TMEM131: variants seen among roughly 807,000 people sequenced by gnomAD.
The protein encoded by TMEM131 is 2610524E03Rik.
TMEM131 carries 66 observed loss-of-function variants against 211.6 expected under a neutral mutation model. The ratio of observed to expected loss-of-function variants is 0.31; its 90% CI spans 0.26 to 0.38. TMEM131 has a LOEUF of 0.38. Ranked by LOEUF, TMEM131 falls within the 10% of genes least tolerant of loss-of-function variation. The pLI, the probability that TMEM131 is intolerant of heterozygous loss-of-function variation, is 1.00. For missense variants in TMEM131, 2,036 were observed against 2,299.3 expected (o/e 0.89, Z 2.34); for synonymous variants, 844 against 841.3 (o/e 1.00, Z -0.06).
At chr2:97,983,242 G>A (rs911005500) in intron 1 of TMEM131, among the ~76,000 whole-genome samples, 22 of 152,152 alleles carry the variant, frequency 1.4e-4, no homozygotes, top group Non-Finnish European at 1.9e-4. Flanking sequence ...GTCTCAGACA[G>A]TAACAGTAGA....
At chr2:97,793,622 T>A in intron 29 of TMEM131, 69 bp from the exon 30 acceptor site, 1 of 1,439,800 alleles carries the variant, frequency 6.9e-7, no homozygotes, top group Non-Finnish European at 9.4e-7. Context: ...AATTCGATGT[T>A]AAAGGCAGAG....
intron 2 of TMEM131, among the ~76,000 whole-genome samples, chr2:97,921,431 GATAGAAAAAC>G (rs1414779139): frequency 6.6e-6 from 1 of 152,152 alleles, no homozygotes; most frequent in African/African-American, 2.4e-5. Flanking sequence ...ACGACCTTGG[GATAGAAAAAC>G]ATTGAACAAG....
At chr2:97,795,208 ACACAG>A in intron 28 of TMEM131, 93 bp from the exon 29 acceptor site, 1 of 885,302 alleles carries the variant, frequency 1.1e-6, no homozygotes. Context: ...TTGAAATATA[ACACAG>A]AATTTGCGTT....
intron 15 of TMEM131, among the ~76,000 whole-genome samples, 185 bp from the exon 16 acceptor site, chr2:97,812,934 G>A (rs1174125676): frequency 6.6e-6 from 1 of 151,718 alleles, no homozygotes; most frequent in African/African-American, 2.4e-5. Flanking sequence ...GCTTGAACCC[G>A]CAAGCCAAGA....
At position 97,924,520 on chromosome 2, in the gene TMEM131, C is replaced by A. The variant is rs187413181; in HGVS notation, c.249+2906G>T. ...GCATGCATTTTTTACCCCAGCTCAGCCACCATCTCCCTGCCTGTGGTACAC... is the reference window on the plus strand; with the variant it reads ...GCATGCATTTTTTACCCCAGCTCAGACACCATCTCCCTGCCTGTGGTACAC... On this transcript the variant is annotated intron_variant, in intron 2 of 40. Coordinates refer to ENST00000186436, the MANE Select transcript of TMEM131 (RefSeq NM_015348.2). Among the ~76,000 whole-genome samples the A allele has an allele frequency of 2.3e-3, 355 of 152,296 alleles. 9 individuals are homozygous for A. Among genetic ancestry groups the A allele is most frequent in the Admixed American group, 0.023 (351 of 15,306 alleles).
chr2:97,954,268 G>C (rs189211687), intron 1 of TMEM131, among the ~76,000 whole-genome samples: 3 of 152,152 alleles, frequency 2.0e-5, no homozygotes, highest in Admixed American at 6.5e-5. Context: ...AAAGGCTCTA[G>C]CAAGACTGAC....
At chr2:97,966,541 T>A (rs1206656756) in intron 1 of TMEM131, among the ~76,000 whole-genome samples, 1 of 152,150 alleles carries the variant, frequency 6.6e-6, no homozygotes, top group Non-Finnish European at 1.5e-5. Context: ...TCTGACACAG[T>A]GGCCCTCAAT....
At position 97,936,344 on chromosome 2, in the gene TMEM131, C is replaced by A. The variant is rs997779452; in HGVS notation, c.188-8857G>T. On this transcript the variant is annotated intron_variant, in intron 1 of 40. Transcript: ENST00000186436. ...GTGTACGCATCGGGCTCTGGCTCTG[C>A]CTGTGCTCAGAAGAAACCTGAGACA... Among the ~76,000 whole-genome samples the A allele has an allele frequency of 4.6e-5, 7 of 152,206 alleles. No homozygotes were observed. The South Asian group carries it at 1.4e-3, about 32-fold the overall frequency.
Position 97,792,367 on chromosome 2 carries a change from G to A in TMEM131, c.4144+19C>T, listed in dbSNP as rs372979286. 32 of 1,532,254 alleles carry A rather than the reference G, an allele frequency of 2.1e-5. No individual in the cohort carries two copies. Among genetic ancestry groups the A allele is most frequent in the East Asian group, 6.8e-5 (3 of 44,012 alleles). The allele number at this position is 1,532,254 out of a possible 1,614,324, so 94.9% of individuals were successfully genotyped here. On this transcript the variant is annotated intron_variant, in intron 31 of 40. Transcript: ENST00000186436. ...TTTCCCTCACACATCACGGATCTCC[G>A]GCAGTGGGAGATGATTACCTTTGCT...
At chr2:97,923,642 A>AAAAAG (rs1573563053) in intron 2 of TMEM131, among the ~76,000 whole-genome samples, 1 of 151,346 alleles carries the variant, frequency 6.6e-6, no homozygotes. Context: ...AAAAAAAAAA[A>AAAAAG]AAAAAAAAAA....
intron 29 of TMEM131, among the ~76,000 whole-genome samples, chr2:97,793,943 G>A (rs1680626434): frequency 8.1e-6 from 1 of 123,386 alleles, no homozygotes; most frequent in African/African-American, 3.1e-5. Context: ...GCAGTGAGCC[G>A]AGATCGTGCC....
chr2:97,988,839 G>A (rs2104672600), intron 1 of TMEM131, among the ~76,000 whole-genome samples: 1 of 152,296 alleles, frequency 6.6e-6, no homozygotes, highest in South Asian at 2.1e-4. Flanking sequence ...CAACCACTAT[G>A]GAAATGTGGT....
intron 31 of TMEM131, among the ~76,000 whole-genome samples, chr2:97,779,454 G>T (rs181837256): frequency 6.6e-6 from 1 of 152,210 alleles, no homozygotes; most frequent in South Asian, 2.1e-4. Context: ...CAGGGCAAGC[G>T]TGTTCCTAAG....
At chr2:97,987,952 G>A (rs999116454) in intron 1 of TMEM131, among the ~76,000 whole-genome samples, 8 of 152,136 alleles carry the variant, frequency 5.3e-5, no homozygotes, top group African/African-American at 7.2e-5. Context: ...AAGTAGAAAA[G>A]TGCATCCTAA....
intron 2 of TMEM131, among the ~76,000 whole-genome samples, chr2:97,910,850 T>C (rs888815621): frequency 1.1e-4 from 16 of 152,210 alleles, no homozygotes; most frequent in African/African-American, 3.6e-4. Flanking sequence ...TATAGCCTTG[T>C]AGTATAGTTT....
chr2:97,859,671 G>T (rs1673986445), intron 4 of TMEM131, among the ~76,000 whole-genome samples: 1 of 152,182 alleles, frequency 6.6e-6, no homozygotes, highest in Admixed American at 6.5e-5. Flanking sequence ...TTTCATCCCT[G>T]AGGCTCAGAA....
intron 2 of TMEM131, among the ~76,000 whole-genome samples, chr2:97,920,687 G>A (rs538502918): frequency 9.2e-5 from 14 of 152,158 alleles, no homozygotes; most frequent in South Asian, 2.1e-4. Context: ...AATAAAGGCC[G>A]GGCATCAGCA....
intron 1 of TMEM131, among the ~76,000 whole-genome samples, chr2:97,971,372 G>A (rs1156244930): frequency 1.3e-5 from 2 of 151,966 alleles, no homozygotes; most frequent in African/African-American, 4.8e-5. Flanking sequence ...GGAGGAAGGG[G>A]GGAAAATATA....
Position 97,759,061 on chromosome 2 carries a change from TAAAGC to T in TMEM131, c.5207-13_5207-9del. 1 of 1,613,986 alleles carries T rather than the reference TAAAGC, an allele frequency of 6.2e-7. No individual in the cohort carries two copies. Among genetic ancestry groups the T allele is most frequent in the Non-Finnish European group, 8.5e-7 (1 of 1,179,872 alleles). ...CGAGTTTGCTGAAAACTTCTGGAAA[TAAAGC>T]AACAGTCATCAAGTCCATATTTGGT... On this transcript the variant is annotated splice_polypyrimidine_tract_variant and intron_variant, in intron 39 of 40. Transcript: ENST00000186436.
Sources: gnomAD v4.1 joint callset for allele counts (sites outside exome capture counted in the v4.1 genomes callset) on GRCh38, gnomAD v4.1.1 for gene constraint, MANE v1.5 for transcripts, NCBI Gene and HGNC (gene_info 2026-07-23, HGNC 2026-07-21) for gene names.